Variants in CCDC150 observed in about 807,000 individuals in gnomAD.
CCDC150 encodes the protein coiled-coil domain-containing protein 150.
Under a neutral mutation model 156.5 loss-of-function variants are expected in CCDC150, and 151 were observed. That is an observed-to-expected ratio of 0.97 (90% CI 0.85 to 1.10). The LOEUF (loss-of-function observed/expected upper bound fraction) is 1.10, where lower values mean the gene tolerates loss of function less well. CCDC150 is among the 50% of genes least tolerant of loss of function. The pLI is 0.00. For synonymous variants in CCDC150, 452 were observed against 429.4 expected, an observed-to-expected ratio of 1.05 and a Z score of -0.65; for missense variants, 1,312 against 1,268.1, an observed-to-expected ratio of 1.03 and a Z score of -0.53.
At chr2:196,651,742 T>C (rs1330280166) in intron 2 of CCDC150, among the ~76,000 whole-genome samples, 19 of 152,226 alleles carry the variant, frequency 1.2e-4, no homozygotes. Flanking sequence ...ATAATGTGTC[T>C]GTGTTAGTCC....
At chr2:196,667,938 C>A (rs775093157) in intron 7 of CCDC150, 7 of 152,122 alleles carry the variant, frequency 4.6e-5, no homozygotes, top group Non-Finnish European at 7.3e-5. Flanking sequence ...TATGGTGCTG[C>A]CACATTGTCT....
At chr2:196,700,618 T>A (rs1696141094) in intron 14 of CCDC150, among the ~76,000 whole-genome samples, 1 of 152,234 alleles carries the variant, frequency 6.6e-6, no homozygotes, top group Admixed American at 6.5e-5. Context: ...TGTTGAGTAT[T>A]TGATCAAACA....
intron 13 of CCDC150, 81 bp from the exon 14 acceptor site, chr2:196,694,965 T>TTA: frequency 1.4e-6 from 1 of 722,126 alleles, no homozygotes; most frequent in Middle Eastern, 2.7e-4. Flanking sequence ...ATTTTACAGT[T>TTA]GTAATTGTCA....
At chr2:196,701,943 T>G (rs972772203) in intron 15 of CCDC150, among the ~76,000 whole-genome samples, 6 of 152,100 alleles carry the variant, frequency 3.9e-5, no homozygotes, top group African/African-American at 1.4e-4. Context: ...TATAAAATGT[T>G]GGGGGAGGCT....
At chr2:196,719,323 A>G in intron 18 of CCDC150, 174 bp from the exon 19 acceptor site, 1 of 476,228 alleles carries the variant, frequency 2.1e-6, no homozygotes, top group Non-Finnish European at 3.5e-6. Flanking sequence ...TCTTTTTCTC[A>G]ACAATAACTT....
intron 15 of CCDC150, among the ~76,000 whole-genome samples, chr2:196,701,859 A>G (rs1696234807): frequency 2.0e-5 from 3 of 152,312 alleles, no homozygotes; most frequent in Admixed American, 2.0e-4. Context: ...TAATGGTAGA[A>G]TTTGGATGGG....
At chr2:196,675,162 C>G (rs1694419835) in intron 10 of CCDC150, among the ~76,000 whole-genome samples, 1 of 152,034 alleles carries the variant, frequency 6.6e-6, no homozygotes, top group Admixed American at 6.6e-5. Flanking sequence ...ACTGTGAGCT[C>G]TCTAGAGGCA....
chr2:196,731,976 C>CA, intron 26 of CCDC150, 57 bp from the exon 27 acceptor site: 8 of 1,560,924 alleles, frequency 5.1e-6, no homozygotes, highest in Middle Eastern at 1.7e-4. Flanking sequence ...AACTAATACA[C>CA]AAAAAAACTT....
intron 26 of CCDC150, among the ~76,000 whole-genome samples, chr2:196,731,348 T>A (rs2125723046): frequency 6.6e-6 from 1 of 151,650 alleles, no homozygotes; most frequent in South Asian, 2.1e-4. Context: ...TCTTTCTCTA[T>A]TCTAAACTTA....
intron 19 of CCDC150, 65 bp from the exon 20 acceptor site, chr2:196,720,510 C>A: frequency 7.4e-7 from 1 of 1,345,610 alleles, no homozygotes. Flanking sequence ...TCTGTAACTC[C>A]CAAATGGTAT....
Position 196,676,244 on chromosome 2 carries a change from G to C in CCDC150, c.1239G>C (p.Glu413Asp). Reference sequence around the variant, plus strand: ...ATGAACTACAGACTGTTCAGAATGAGAAAACCCAACTCCAGGCACATCTGT... The same window carrying C: ...ATGAACTACAGACTGTTCAGAATGACAAAACCCAACTCCAGGCACATCTGT... ...ITNELQTVQNEKTQLQAHLDH... is the reference protein window; with the variant it reads ...ITNELQTVQNDKTQLQAHLDH... The change falls in exon 11 of 28, where the codon GAG becomes GAC. Residue 413 changes from glutamate (E) to aspartate (D), a missense_variant. Coordinates refer to ENST00000389175, the MANE Select transcript of CCDC150 (RefSeq NM_001080539.2). The C allele has an allele frequency of 1.2e-6, 2 of 1,613,610 alleles. No individual in the cohort carries two copies. The highest frequency in any genetic ancestry group is 1.7e-6 in the Non-Finnish European group (2 of 1,179,682).
At chr2:196,731,923 G>A in intron 26 of CCDC150, 110 bp from the exon 27 acceptor site, 1 of 950,942 alleles carries the variant, frequency 1.1e-6, no homozygotes, top group South Asian at 1.6e-5. Flanking sequence ...AGAACAAGCA[G>A]TCAGAATTTG....
intron 13 of CCDC150, among the ~76,000 whole-genome samples, chr2:196,678,577 A>G (rs1323595573): frequency 1.3e-5 from 2 of 152,322 alleles, no homozygotes; most frequent in East Asian, 3.9e-4. Context: ...GGTGACTACT[A>G]TTAAATTCAG....
chr2:196,656,735 A>G lies in CCDC150; in HGVS notation c.279A>G (p.Leu93=), dbSNP rs959422573. 7 of 1,613,696 alleles carry G rather than the reference A, an allele frequency of 4.3e-6. No individual in the cohort carries two copies. Among genetic ancestry groups the G allele is most frequent in the African/African-American group, 4.0e-5 (3 of 74,912 alleles). Residue 93 remains leucine, a synonymous_variant, in exon 3 of 28, where the codon TTA becomes TTG. Coordinates refer to ENST00000389175, the MANE Select transcript of CCDC150 (RefSeq NM_001080539.2). ...TTTGTGCAGGAAAAACAGATATTTT[A>G]TGGAAGAACTGTGAGTTTCTGGTAA... ...EAICAGKTDI[L]WKNCEFLVNR...
chr2:196,721,478 T>A (rs752292199), intron 20 of CCDC150, 44 bp from the exon 21 acceptor site: 1 of 1,462,904 alleles, frequency 6.8e-7, no homozygotes, highest in South Asian at 1.4e-5. Context: ...ACTTCTTGCA[T>A]CTGTCCATTA....
intron 2 of CCDC150, among the ~76,000 whole-genome samples, chr2:196,654,404 A>T (rs114764948): frequency 3.2e-4 from 49 of 151,780 alleles, no homozygotes; most frequent in Non-Finnish European, 5.6e-4. Context: ...ATGGTATCTC[A>T]TAAGTTCCAT....
intron 15 of CCDC150, among the ~76,000 whole-genome samples, chr2:196,706,500 T>C (rs1012472682): frequency 1.3e-5 from 2 of 152,232 alleles, no homozygotes; most frequent in African/African-American, 4.8e-5. Context: ...TGAATACCCT[T>C]TATTTCTTTC....
Position 196,712,191 on chromosome 2 carries a change from C to T in CCDC150, c.1742C>T (p.Thr581Ile), listed in dbSNP as rs1208591439. The T allele has an allele frequency of 3.8e-6, 6 of 1,588,756 alleles. No individual in the cohort carries two copies. Among genetic ancestry groups the T allele is most frequent in the Non-Finnish European group, 3.4e-6 (4 of 1,165,396 alleles). The change falls in exon 16 of 28, where the codon ACC becomes ATC. Residue 581 changes from threonine to isoleucine, a missense_variant. By Grantham distance (89) the Thr-to-Ile change is moderately conservative. Transcript: ENST00000389175. ...GAACAAGTACAGTCTTTTACTGACA[C>T]CAGCTTACAGAATGATCATCTACGC... is the stretch of plus-strand genomic sequence containing the variant. Reference protein sequence around the residue: ...LEEQVQSFTDTSLQNDHLRKM... With the variant: ...LEEQVQSFTDISLQNDHLRKM...
At chr2:196,694,906 G>A (rs1695722588) in intron 13 of CCDC150, 140 bp from the exon 14 acceptor site, 3 of 501,062 alleles carry the variant, frequency 6.0e-6, no homozygotes, top group Non-Finnish European at 1.1e-5. Context: ...AGACTGACTG[G>A]TCATATTTCC....
Sources: gnomAD v4.1 joint callset for allele counts (sites outside exome capture counted in the v4.1 genomes callset) on GRCh38, gnomAD v4.1.1 for gene constraint, MANE v1.5 for transcripts, NCBI Gene and HGNC (gene_info 2026-07-23, HGNC 2026-07-21) for gene names.